CHL1: variants seen among roughly 807,000 people sequenced by gnomAD.
The protein encoded by CHL1 is cell adhesion molecule L1 like, also known as neural cell adhesion molecule L1-like protein.
CHL1 carries 96 observed loss-of-function variants against 141.9 expected under a neutral mutation model. The observed-to-expected ratio is 0.68, with a 90% CI of 0.57 to 0.80. CHL1 has a LOEUF of 0.80. CHL1 is among the 30% of genes least tolerant of loss of function. The probability of loss-of-function intolerance (pLI) is 0.00; values close to 1 mark genes in which losing one functional copy is unlikely to be tolerated. For synonymous variants in CHL1, 613 were observed against 502.2 expected (o/e 1.22, Z -2.95); for missense variants, 1,820 against 1,457.2 (o/e 1.25, Z -4.05).
chr3:305,300 G>A (rs1699126911), intron 2 of CHL1, among the ~76,000 whole-genome samples: 1 of 152,138 alleles, frequency 6.6e-6, no homozygotes, highest in African/African-American at 2.4e-5. Context: ...AATGACGACA[G>A]TATTATCTTT....
At chr3:260,820 A>G (rs529756181) in intron 2 of CHL1, among the ~76,000 whole-genome samples, 1 of 152,362 alleles carries the variant, frequency 6.6e-6, no homozygotes, top group Admixed American at 6.5e-5. Flanking sequence ...AATAAGAAAC[A>G]AATAAGATTA....
chr3:407,213 A>G lies in CHL1; in HGVS notation c.*1502A>G, dbSNP rs1393018087. On this transcript the variant is annotated 3_prime_UTR_variant, in exon 28 of 28. Transcript: ENST00000256509. ...GAAATACTTAACTACTGTTTAAGTGAATTGACTTATTTCACTTTAGTTTTT... is the reference window on the plus strand; with the variant it reads ...GAAATACTTAACTACTGTTTAAGTGGATTGACTTATTTCACTTTAGTTTTT... The G allele has an allele frequency of 6.6e-6, 1 of 152,152 alleles. No homozygotes were observed. Among genetic ancestry groups the G allele is most frequent in the African/African-American group, 2.4e-5 (1 of 41,454 alleles). 9.4% of individuals were successfully genotyped at this position (152,152 alleles called of 1,614,324 possible).
intron 2 of CHL1, among the ~76,000 whole-genome samples, chr3:258,457 T>A (rs767631332): frequency 6.6e-6 from 1 of 152,194 alleles, no homozygotes; most frequent in Non-Finnish European, 1.5e-5. Context: ...CTCAAATCTC[T>A]CTCTCAAGAA....
At chr3:236,423 G>A (rs1471923568) in intron 1 of CHL1, among the ~76,000 whole-genome samples, 1 of 152,144 alleles carries the variant, frequency 6.6e-6, no homozygotes, top group Non-Finnish European at 1.5e-5. Flanking sequence ...GAAGGGAAGT[G>A]TTCTTGAGAA....
intron 2 of CHL1, among the ~76,000 whole-genome samples, chr3:287,391 C>G (rs1366753587): frequency 6.6e-6 from 1 of 152,088 alleles, no homozygotes; most frequent in Non-Finnish European, 1.5e-5. Context: ...TAATTGCCAC[C>G]TGATAGGTTT....
intron 15 of CHL1, among the ~76,000 whole-genome samples, chr3:368,376 G>T (rs1006981420): frequency 3.3e-5 from 5 of 152,000 alleles, no homozygotes; most frequent in South Asian, 2.1e-4. Flanking sequence ...TCATATGTTT[G>T]TTGGCCATGT....
chr3:382,854 G>A, intron 18 of CHL1, 183 bp downstream of exon 18: 3 of 582,626 alleles, frequency 5.1e-6, no homozygotes, highest in South Asian at 2.4e-5. Context: ...TTACATACGA[G>A]TTCGATAAAA....
At chr3:335,418 G>T (rs1559271229) in intron 5 of CHL1, among the ~76,000 whole-genome samples, 1 of 152,168 alleles carries the variant, frequency 6.6e-6, no homozygotes, top group Non-Finnish European at 1.5e-5. Context: ...GTCCTAAGTG[G>T]ATTAATGGGA....
At chr3:232,119 T>C (rs1701917195) in intron 1 of CHL1, among the ~76,000 whole-genome samples, 1 of 151,098 alleles carries the variant, frequency 6.6e-6, no homozygotes, top group South Asian at 2.1e-4. Flanking sequence ...CGTATATTCA[T>C]CTCCTTAACT....
chr3:262,604 C>G (rs1472036863), intron 2 of CHL1, among the ~76,000 whole-genome samples: 1 of 151,914 alleles, frequency 6.6e-6, no homozygotes, highest in Non-Finnish European at 1.5e-5. Context: ...CATTTAAATG[C>G]TAAGGGATGA....
chr3:216,638 C>G (rs769590142), intron 1 of CHL1, among the ~76,000 whole-genome samples: 2 of 152,204 alleles, frequency 1.3e-5, no homozygotes, highest in Non-Finnish European at 2.9e-5. Flanking sequence ...GCCAACTACC[C>G]ATGGGTATTG....
At chr3:198,387 T>TTTGCGC (rs1020953390) in intron 1 of CHL1, among the ~76,000 whole-genome samples, 3 of 151,692 alleles carry the variant, frequency 2.0e-5, no homozygotes, top group African/African-American at 7.3e-5. Context: ...CGCGGGGAGA[T>TTTGCGC]TTGCGCGTGC....
Position 197,437 on chromosome 3 carries a change from A to ACC in CHL1, c.-175+380_-175+381dup, listed in dbSNP as rs200668433. ...CGCTGCTCTCTGAGGAGGATTCCAG[A>ACC]CCCCCCCGTAGATCTCCGCCCTCTC... On this transcript the variant is annotated intron_variant, in intron 1 of 27. Transcript: ENST00000256509. 6.6e-3 allele frequency: 1,034 copies of ACC among 157,070 alleles called. 13 individuals carry two copies. The highest frequency in any genetic ancestry group is 0.024 in the African/African-American group (985 of 40,366). 9.7% of individuals were successfully genotyped at this position (157,070 alleles called of 1,614,324 possible).
intron 1 of CHL1, chr3:213,620 A>C (rs908270901): frequency 6.6e-6 from 1 of 152,200 alleles, no homozygotes; most frequent in African/African-American, 2.4e-5. Context: ...TGCAAAATAG[A>C]GGATGAAAAA....
At chr3:277,776 T>G (rs1386492506) in intron 2 of CHL1, among the ~76,000 whole-genome samples, 1 of 152,252 alleles carries the variant, frequency 6.6e-6, no homozygotes, top group Admixed American at 6.5e-5. Context: ...ACATTTGGAA[T>G]TGTTATTGGA....
At chr3:270,264 GA>G (rs955886459) in intron 2 of CHL1, among the ~76,000 whole-genome samples, 6 of 151,878 alleles carry the variant, frequency 4.0e-5, no homozygotes, top group Admixed American at 2.6e-4. Flanking sequence ...TGTGTTTGAA[GA>G]AAAAAAATGG....
chr3:323,369 T>C (rs1478881501), intron 3 of CHL1, among the ~76,000 whole-genome samples: 3 of 152,098 alleles, frequency 2.0e-5, no homozygotes, highest in Admixed American at 6.6e-5. Flanking sequence ...ATTTTTGATA[T>C]TCTATAATGA....
chr3:323,144 CAGAT>C (rs1329700831), intron 3 of CHL1, among the ~76,000 whole-genome samples: 1 of 151,858 alleles, frequency 6.6e-6, no homozygotes, highest in Admixed American at 6.6e-5. Context: ...TATGGTTGTT[CAGAT>C]AGATATAGGT....
At chr3:305,269 G>A (rs747461238) in intron 2 of CHL1, among the ~76,000 whole-genome samples, 24 of 152,058 alleles carry the variant, frequency 1.6e-4, no homozygotes, top group Admixed American at 3.3e-4. Flanking sequence ...TTTGTCACCT[G>A]CTAGTCATTC....
Sources: allele counts gnomAD v4.1 joint callset (sites outside exome capture counted in the v4.1 genomes callset), GRCh38; gene constraint gnomAD v4.1.1; transcripts MANE v1.5; gene names NCBI Gene and HGNC (gene_info 2026-07-23, HGNC 2026-07-21).